Variants in GUCY1A2 observed in about 807,000 individuals in gnomAD.
GUCY1A2 encodes guanylate cyclase soluble subunit alpha-2.
In GUCY1A2, 27 loss-of-function variants were observed where a neutral mutation model predicts 63.5. The ratio of observed to expected loss-of-function variants is 0.43; its 90% CI spans 0.31 to 0.59. The LOEUF is 0.59. GUCY1A2 is among the 20% of genes least tolerant of loss of function. The pLI, the probability that GUCY1A2 is intolerant of heterozygous loss-of-function variation, is 0.11. For missense variants in GUCY1A2, 768 were observed against 913.3 expected, an observed-to-expected ratio of 0.84 and a Z score of 2.05; for synonymous variants, 364 against 343.5, an observed-to-expected ratio of 1.06 and a Z score of -0.66.
At chr11:106,821,662 A>G (rs1858904813) in intron 4 of GUCY1A2, among the ~76,000 whole-genome samples, 1 of 152,198 alleles carries the variant, frequency 6.6e-6, no homozygotes, top group South Asian at 2.1e-4. Context: ...TGCACAAAGC[A>G]CTAACACAGT....
intron 4 of GUCY1A2, among the ~76,000 whole-genome samples, chr11:106,841,030 T>C (rs548497131): frequency 6.6e-6 from 1 of 152,078 alleles, no homozygotes; most frequent in South Asian, 2.1e-4. Context: ...AATACCTTTC[T>C]AGTGCTGTAG....
At chr11:106,933,038 C>T (rs1042543052) in intron 4 of GUCY1A2, among the ~76,000 whole-genome samples, 8 of 152,044 alleles carry the variant, frequency 5.3e-5, no homozygotes, top group African/African-American at 1.4e-4. Context: ...TAGGAAACAC[C>T]ATTCTGGACA....
intron 4 of GUCY1A2, among the ~76,000 whole-genome samples, chr11:106,880,894 G>T (rs1050201204): frequency 6.6e-6 from 1 of 152,038 alleles, no homozygotes; most frequent in Non-Finnish European, 1.5e-5. Flanking sequence ...ATGACAATTT[G>T]GGAAATACCA....
intron 1 of GUCY1A2, among the ~76,000 whole-genome samples, chr11:106,999,403 A>C (rs1372398624): frequency 1.3e-5 from 2 of 152,180 alleles, no homozygotes; most frequent in African/African-American, 2.4e-5. Context: ...CCCATGATTC[A>C]TTTCTATTAG....
chr11:107,015,147 C>T (rs1303115752), intron 1 of GUCY1A2, among the ~76,000 whole-genome samples: 3 of 151,986 alleles, frequency 2.0e-5, no homozygotes, highest in African/African-American at 7.3e-5. Flanking sequence ...ATATGGTTAA[C>T]CAAGGAGAAT....
chr11:106,730,836 G>A (rs1863491063), intron 6 of GUCY1A2, among the ~76,000 whole-genome samples: 1 of 152,044 alleles, frequency 6.6e-6, no homozygotes, highest in South Asian at 2.1e-4. Flanking sequence ...GTATCTCACT[G>A]TGGTTTTGAT....
chr11:106,911,856 A>T (rs1463231016), intron 4 of GUCY1A2, among the ~76,000 whole-genome samples: 1 of 152,114 alleles, frequency 6.6e-6, no homozygotes, highest in Non-Finnish European at 1.5e-5. Context: ...GTTATGGTAC[A>T]TATTTAGATT....
intron 4 of GUCY1A2, chr11:106,826,985 T>G: frequency 2.5e-6 from 4 of 1,610,730 alleles, no homozygotes; most frequent in Non-Finnish European, 3.4e-6. Flanking sequence ...ATCTTTTCAT[T>G]GGTCAATTCC....
rs781121450 is a variant in GUCY1A2, at chr11:106,939,591, T to C, written c.1075A>G (p.Lys359Glu). ...ACAATCTCGAAGCAGTCCTCAAACT[T>C]GAGCACTTTGTGAGTGTCACATCGA... Reference protein sequence around the residue: ...QLRCDTHKVLKFEDCFEIVSP... With the variant: ...QLRCDTHKVLEFEDCFEIVSP... Residue 359 changes from lysine to glutamate, a missense_variant, in exon 4 of 8, where the codon AAG becomes GAG. Lys to Glu is a moderately conservative substitution (Grantham distance 56). Coordinates refer to ENST00000526355, the MANE Select transcript of GUCY1A2 (RefSeq NM_000855.3). The C allele has an allele frequency of 3.9e-5, 63 of 1,613,696 alleles. No homozygotes were observed. The highest frequency in any genetic ancestry group is 1.6e-4 in the Middle Eastern group (1 of 6,080).
intron 7 of GUCY1A2, among the ~76,000 whole-genome samples, chr11:106,696,742 C>T (rs1236272533): frequency 1.3e-5 from 2 of 152,024 alleles, no homozygotes; most frequent in Non-Finnish European, 2.9e-5. Context: ...AGAGTTCAAC[C>T]GACTTCTTAT....
intron 4 of GUCY1A2, among the ~76,000 whole-genome samples, chr11:106,886,249 A>C (rs139214490): frequency 1.4e-4 from 22 of 152,318 alleles, no homozygotes; most frequent in African/African-American, 5.3e-4. Context: ...AAGTGTCCTT[A>C]AAGTCTTCCA....
chr11:106,943,817 T>C (rs980679067), intron 3 of GUCY1A2, among the ~76,000 whole-genome samples: 1 of 152,106 alleles, frequency 6.6e-6, no homozygotes, highest in African/African-American at 2.4e-5. Flanking sequence ...ATGGTTGGGC[T>C]ACAACAGGGG....
chr11:106,921,832 T>A (rs1860448207), intron 4 of GUCY1A2, among the ~76,000 whole-genome samples: 1 of 152,136 alleles, frequency 6.6e-6, no homozygotes, highest in Non-Finnish European at 1.5e-5. Context: ...TCCACTTGAG[T>A]GAAAGCCCAT....
chr11:106,988,944 C>T (rs17106280), intron 1 of GUCY1A2, among the ~76,000 whole-genome samples: 8,059 of 152,278 alleles, frequency 0.053, 721 homozygotes, highest in East Asian at 0.3. Flanking sequence ...AGTGAAGACC[C>T]ACAAACGGGC....
intron 1 of GUCY1A2, among the ~76,000 whole-genome samples, chr11:106,996,406 G>C (rs1382603783): frequency 6.6e-6 from 1 of 152,154 alleles, no homozygotes; most frequent in African/African-American, 2.4e-5. Context: ...TTGAACATCA[G>C]TTCTCACTGG....
intron 4 of GUCY1A2, among the ~76,000 whole-genome samples, chr11:106,936,219 T>C (rs1290829630): frequency 6.6e-6 from 1 of 152,226 alleles, no homozygotes; most frequent in Non-Finnish European, 1.5e-5. Context: ...AAATATTAAC[T>C]GCAAACTGCT....
chr11:107,012,939 GGTT>G (rs1305151181), intron 1 of GUCY1A2, among the ~76,000 whole-genome samples: 4 of 151,190 alleles, frequency 2.6e-5, no homozygotes, highest in Non-Finnish European at 1.5e-5. Flanking sequence ...TACTTTCTAA[GGTT>G]TTTTTTCAAG....
intron 4 of GUCY1A2, chr11:106,824,659 A>G (rs1858943416): frequency 1.2e-6 from 1 of 867,958 alleles, no homozygotes; most frequent in African/African-American, 1.7e-5. Flanking sequence ...ATTTGAATAG[A>G]AATTTGTAGA....
chr11:106,706,058 C>A (rs1466119758), intron 7 of GUCY1A2, among the ~76,000 whole-genome samples: 1 of 151,980 alleles, frequency 6.6e-6, no homozygotes, highest in Admixed American at 6.6e-5. Context: ...ACAATAGTTA[C>A]AAAAATATTT....
Sources: allele counts gnomAD v4.1 joint callset (sites outside exome capture counted in the v4.1 genomes callset), GRCh38; gene constraint gnomAD v4.1.1; transcripts MANE v1.5; gene names NCBI Gene and HGNC (gene_info 2026-07-23, HGNC 2026-07-21).